OAS1: variants seen among roughly 807,000 people sequenced by gnomAD.
The protein encoded by OAS1 is 2'-5'-oligoadenylate synthetase 1, also known as 2'-5'-oligoadenylate synthase 1.
OAS1 carries 24 observed loss-of-function variants against 38.5 expected under a neutral mutation model. The observed-to-expected ratio is 0.62, with a 90% CI of 0.45 to 0.88. OAS1 has a LOEUF of 0.88. OAS1 is among the 40% of genes least tolerant of loss of function. The pLI is 0.00. For missense variants in OAS1, 482 were observed against 493.9 expected, an observed-to-expected ratio of 0.98 and a Z score of 0.23; for synonymous variants, 169 against 193.9, an observed-to-expected ratio of 0.87 and a Z score of 1.07.
In OAS1 at chr12:112,917,713, G is replaced by C. The variant is rs2043482793; in HGVS notation, c.1038+13G>C. On this transcript the variant is annotated intron_variant, in intron 5 of 5. Transcript: ENST00000202917. ...CTGGATTCTGCTGGTGAGACCTCCT[G>C]CTTCCTCCCTGCCATTCATCCCTGC... 1 of 1,614,052 alleles carries C rather than the reference G, an allele frequency of 6.2e-7. No individual in the cohort carries two copies. The highest frequency in any genetic ancestry group is 8.5e-7 in the Non-Finnish European group (1 of 1,180,046).
chr12:112,907,093 C>T lies in OAS1; in HGVS notation c.54C>T (p.Asp18=), dbSNP rs758259109. ...AATCTCTGGACAAGTTCATTGAAGACTATCTCTTGCCAGACACGTGTTTCC... is the reference window on the plus strand; with the variant it reads ...AATCTCTGGACAAGTTCATTGAAGATTATCTCTTGCCAGACACGTGTTTCC... The part of the protein sequence containing the change: ...PAKSLDKFIE[D]YLLPDTCFRM... The change falls in exon 1 of 6, where the codon GAC becomes GAT. Residue 18 remains aspartate, a synonymous_variant. Coordinates refer to ENST00000202917, the MANE Select transcript of OAS1 (RefSeq NM_016816.4). 3.1e-6 allele frequency: 5 copies of T among 1,614,248 alleles called. No individual in the cohort carries two copies. In the South Asian group the frequency reaches 5.5e-5, roughly 18 times the overall value.
At chr12:112,922,386 T>C (rs1462835435), downstream of OAS1, among the ~76,000 whole-genome samples, 1 of 152,024 alleles carries the variant, frequency 6.6e-6, no homozygotes, top group Non-Finnish European at 1.5e-5. Context: ...ATAAATTGAG[T>C]AGTGCCCTTT....
At position 112,911,037 on chromosome 12, in the gene OAS1, T is replaced by C. The variant is rs1450116252; in HGVS notation, c.470-14T>C. 9 of 1,609,354 alleles carry C rather than the reference T, an allele frequency of 5.6e-6. No individual in the cohort carries two copies. The highest frequency in any genetic ancestry group is 3.3e-5 in the South Asian group (3 of 90,628). On this transcript the variant is annotated splice_polypyrimidine_tract_variant and intron_variant, in intron 2 of 5. Coordinates refer to ENST00000202917, the MANE Select transcript of OAS1 (RefSeq NM_016816.4). ...GAAGAGCTGACACCTAAGTTGTAGA[T>C]TTTGCCCGAACAGGTCAGTTGACTG...
At chr12:112,926,284 T>G (rs2043557491) in intron 6 of OAS1, among the ~76,000 whole-genome samples, 1 of 152,162 alleles carries the variant, frequency 6.6e-6, no homozygotes, top group Non-Finnish European at 1.5e-5. Flanking sequence ...CAACTGCACC[T>G]GGCCTAAAAT....
At chr12:112,928,920 G>T (rs1335989818) in intron 6 of OAS1, among the ~76,000 whole-genome samples, 1 of 152,114 alleles carries the variant, frequency 6.6e-6, no homozygotes, top group African/African-American at 2.4e-5. Flanking sequence ...TGGGGGAGAG[G>T]GTGTGTTTAT....
chr12:112,911,502 C>T (rs1354280144), intron 3 of OAS1, among the ~76,000 whole-genome samples: 13 of 152,044 alleles, frequency 8.6e-5, no homozygotes, highest in Non-Finnish European at 1.5e-5. Flanking sequence ...GAGCCTGGTG[C>T]ATAATAGGTG....
chr12:112,925,328 C>T (rs1436340170), intron 6 of OAS1, among the ~76,000 whole-genome samples: 4 of 152,168 alleles, frequency 2.6e-5, no homozygotes, highest in Non-Finnish European at 4.4e-5. Flanking sequence ...TTGCACACCC[C>T]TCACGCCTGT....
chr12:112,908,750 T>G lies in OAS1; in HGVS notation c.395T>G (p.Leu132Arg). The change falls in exon 2 of 6, where the codon CTC (leucine) becomes CGC (arginine). Residue 132 changes from leucine (L) to arginine (R), a missense_variant. Transcript: ENST00000202917. ...QAPRWGNPRA[L>R]SFVLSSLQLG... The stretch of plus-strand genomic sequence containing the variant: ...CCACGCTGGGGCAACCCCCGTGCGC[T>G]CAGCTTCGTACTGAGTTCGCTCCAG... The G allele has an allele frequency of 1.2e-6, 2 of 1,614,166 alleles. No individual in the cohort carries two copies. Among genetic ancestry groups the G allele is most frequent in the Non-Finnish European group, 1.7e-6 (2 of 1,180,006 alleles).
intron 2 of OAS1, 33 bp downstream of exon 2, chr12:112,908,857 C>T: frequency 6.5e-7 from 1 of 1,538,436 alleles, no homozygotes; most frequent in Admixed American, 2.1e-5. Context: ...TCTCCCTCTT[C>T]CCATTTCTGA....
rs200449990 is a variant in OAS1 at position 112,919,672 on chromosome 12, G to A, written c.*119G>A. 1 of 1,572,450 alleles carries A rather than the reference G, an allele frequency of 6.4e-7. No homozygotes were observed. The stretch of plus-strand genomic sequence containing the variant: ...CCTCAGTGAGCTGGTGTATAATCCA[G>A]GACAGAACCCAGGTCTCCTGACTCC... On this transcript the variant is annotated 3_prime_UTR_variant, in exon 6 of 6. Transcript: ENST00000202917.
chr12:112,926,438 A>C (rs765055038), intron 6 of OAS1, among the ~76,000 whole-genome samples: 9 of 152,220 alleles, frequency 5.9e-5, no homozygotes, highest in Non-Finnish European at 1.0e-4. Flanking sequence ...TGAGAAATAA[A>C]GGGAAAGAGT....
At chr12:112,913,619 T>C (rs2043415166) in intron 3 of OAS1, among the ~76,000 whole-genome samples, 1 of 152,192 alleles carries the variant, frequency 6.6e-6, no homozygotes, top group Non-Finnish European at 1.5e-5. Context: ...TCTCTTTAGC[T>C]ATATCTAATT....
chr12:112,918,881 G>A, intron 5 of OAS1: 1 of 271,988 alleles, frequency 3.7e-6, no homozygotes, highest in South Asian at 3.7e-5. Flanking sequence ...TGATGTTGCA[G>A]ATGGCTAGGA....
chr12:112,918,419 C>A (rs372924462), intron 5 of OAS1: 17 of 290,214 alleles, frequency 5.9e-5, no homozygotes, highest in East Asian at 1.7e-4. Context: ...GATTCCATGA[C>A]TTTGCTATTG....
downstream of OAS1, among the ~76,000 whole-genome samples, chr12:112,921,472 G>A (rs889307609): frequency 1.4e-4 from 21 of 152,326 alleles, no homozygotes; most frequent in African/African-American, 4.3e-4. Context: ...ACATGGCCAC[G>A]TGATCAGCCT....
In OAS1 at chr12:112,907,218, A is replaced by G. The variant is rs1165335150; in HGVS notation, c.179A>G (p.Lys60Arg). ...SYPVCVSKVV[K>R]GGSSGKGTTL... ...CCTGTGTGTGTGTCCAAGGTGGTAA[A>G]GGTGAGTCCAGGCCTGCCTGGCCAG... Residue 60 changes from lysine to arginine, a missense_variant and splice_region_variant, in exon 1 of 6, where the codon AAG becomes AGG. Lys to Arg is a conservative substitution (Grantham distance 26, BLOSUM62 2). Transcript: ENST00000202917. 6.2e-7 allele frequency: 1 copy of G among 1,614,078 alleles called. No homozygotes were observed. The highest frequency in any genetic ancestry group is 8.5e-7 in the Non-Finnish European group (1 of 1,179,952).
At chr12:112,929,353 C>T (rs2043583132) in intron 6 of OAS1, among the ~76,000 whole-genome samples, 1 of 152,226 alleles carries the variant, frequency 6.6e-6, no homozygotes. Flanking sequence ...AGGGAAGCAA[C>T]ACATCACCTG....
chr12:112,907,036 G>A lies in OAS1; in HGVS notation c.-4G>A, dbSNP rs2043303151. 3 of 1,614,214 alleles carry A rather than the reference G, an allele frequency of 1.9e-6. No homozygotes were observed. The highest frequency in any genetic ancestry group is 3.3e-4 in the Middle Eastern group (2 of 6,062). ...CAGTTCTGTTGCCACTCTCTCTCCT[G>A]TCAATGATGGATCTCAGAAATACCC... On this transcript the variant is annotated 5_prime_UTR_variant, in exon 1 of 6. Coordinates refer to ENST00000202917, the MANE Select transcript of OAS1 (RefSeq NM_016816.4).
At chr12:112,923,597 A>G (rs1392714143), downstream of OAS1, among the ~76,000 whole-genome samples, 1 of 152,206 alleles carries the variant, frequency 6.6e-6, no homozygotes, top group African/African-American at 2.4e-5. Context: ...GGAGTTCCTT[A>G]CATATTGTGG....
Sources: allele counts gnomAD v4.1 joint callset (sites outside exome capture counted in the v4.1 genomes callset), GRCh38; gene constraint gnomAD v4.1.1; transcripts MANE v1.5; gene names NCBI Gene and HGNC (gene_info 2026-07-23, HGNC 2026-07-21).